The following TOR1AIP2 variants were observed in gnomAD, a reference collection of about 807,000 sequenced individuals.
The protein encoded by TOR1AIP2 is torsin-1A-interacting protein 2.
Under a neutral mutation model 32.6 loss-of-function variants are expected in TOR1AIP2, and 20 were observed. The observed-to-expected ratio is 0.61, with a 90% confidence interval of 0.43 to 0.89. TOR1AIP2 has a LOEUF of 0.89. TOR1AIP2 is among the 40% of genes least tolerant of loss of function. The pLI, the probability that TOR1AIP2 is intolerant of heterozygous loss-of-function variation, is 0.00. For synonymous variants in TOR1AIP2, 214 were observed against 210.8 expected (o/e 1.02, Z -0.13); for missense variants, 456 against 553.8 (o/e 0.82, Z 1.77).
intron 4 of TOR1AIP2, 23 bp from the exon 5 acceptor site, chr1:179,851,386 T>C: frequency 6.8e-7 from 1 of 1,468,744 alleles, no homozygotes; most frequent in African/African-American, 1.4e-5. Flanking sequence ...AAGTTTATAA[T>C]TTTTATTGGA....
intron 3 of TOR1AIP2, chr1:179,863,621 G>A: frequency 5.1e-6 from 5 of 978,006 alleles, no homozygotes; most frequent in Non-Finnish European, 6.0e-6. Context: ...TTGAGCCTAG[G>A]AGTTGGAGAC....
At chr1:179,859,502 A>T (rs1696430360) in intron 3 of TOR1AIP2, 1 of 985,174 alleles carries the variant, frequency 1.0e-6, no homozygotes, top group African/African-American at 1.7e-5. Context: ...TTGAATTGTG[A>T]CTCCAGTACA....
At chr1:179,871,443 C>G (rs1056322422) in intron 2 of TOR1AIP2, among the ~76,000 whole-genome samples, 9 of 152,338 alleles carry the variant, frequency 5.9e-5, no homozygotes, top group Admixed American at 5.2e-4. Flanking sequence ...TTTTAATTAA[C>G]TTCTCTAAAT....
At chr1:179,863,624 T>C (rs1010647455) in intron 3 of TOR1AIP2, 20 of 976,818 alleles carry the variant, frequency 2.0e-5, no homozygotes, top group Non-Finnish European at 2.4e-5. Flanking sequence ...AGCCTAGGAG[T>C]TGGAGACCAG....
Position 179,850,824 on chromosome 1 carries a change from T to C in TOR1AIP2, c.553+21A>G, listed in dbSNP as rs756789076. 2.4e-5 allele frequency: 39 copies of C among 1,604,676 alleles called. No individual in the cohort carries two copies. In the East Asian group the frequency reaches 7.6e-4, roughly 31 times the overall value. On this transcript the variant is annotated intron_variant, in intron 5 of 6. Coordinates refer to ENST00000609928, the MANE Select transcript of TOR1AIP2 (RefSeq NM_001199260.2). ...AACAGAGCAGTACAAAACAGGAGAG[T>C]AGTTCAGGGGGTTCTCTTACCTGGG...
At chr1:179,863,259 T>C in intron 3 of TOR1AIP2, 1 of 977,512 alleles carries the variant, frequency 1.0e-6, no homozygotes, top group Non-Finnish European at 1.2e-6. Flanking sequence ...CCCTGATTTC[T>C]TCAATGGAGG....
chr1:179,862,418 T>G (rs1558020585), intron 3 of TOR1AIP2: 1 of 984,756 alleles, frequency 1.0e-6, no homozygotes, highest in African/African-American at 1.7e-5. Flanking sequence ...GAGTTAGTGA[T>G]AAACTAACTA....
intron 3 of TOR1AIP2, chr1:179,860,288 G>A (rs985372783): frequency 1.2e-6 from 1 of 842,950 alleles, no homozygotes; most frequent in South Asian, 5.5e-5. Flanking sequence ...CTCAAGACCA[G>A]CTTGGGCAAC....
At chr1:179,861,420 T>C in intron 3 of TOR1AIP2, 5 of 985,390 alleles carry the variant, frequency 5.1e-6, no homozygotes, top group Non-Finnish European at 4.8e-6. Flanking sequence ...TTTTATGAGC[T>C]CTACTACATG....
chr1:179,847,396 T>C, intron 6 of TOR1AIP2, 139 bp downstream of exon 6: 3 of 690,246 alleles, frequency 4.3e-6, no homozygotes, highest in Admixed American at 2.6e-5. Flanking sequence ...ACTATTTTAC[T>C]ATGTCTCACT....
chr1:179,864,506 T>C, intron 3 of TOR1AIP2: 1 of 1,133,228 alleles, frequency 8.8e-7, no homozygotes, highest in Non-Finnish European at 1.1e-6. Flanking sequence ...TTTTTAGGAG[T>C]GGTAAGTTAG....
chr1:179,874,065 G>A (rs1344269149), intron 2 of TOR1AIP2: 1 of 152,172 alleles, frequency 6.6e-6, no homozygotes, highest in Non-Finnish European at 1.5e-5. Flanking sequence ...TAACTATCAA[G>A]TCAACAATAT....
chr1:179,858,919 T>C, intron 3 of TOR1AIP2: 14 of 714,850 alleles, frequency 2.0e-5, no homozygotes, highest in Non-Finnish European at 2.2e-5. Context: ...ATTTTTTAAA[T>C]GGAGAAGGAA....
chr1:179,862,113 G>A (rs1048418), intron 3 of TOR1AIP2: 131,669 of 984,296 alleles, frequency 0.13, 9,025 homozygotes, highest in Middle Eastern at 0.16. Flanking sequence ...CACAGGTACT[G>A]CTTAGGTATT....
At chr1:179,864,877 T>C in intron 3 of TOR1AIP2, 1 of 1,614,044 alleles carries the variant, frequency 6.2e-7, no homozygotes, top group South Asian at 1.1e-5. Flanking sequence ...GAGAGTCATG[T>C]ATTCTTTTTC....
At position 179,843,126 on chromosome 1, in the gene TOR1AIP2, G is replaced by A. The variant is rs1018885265; in HGVS notation, c.*2945C>T. On this transcript the variant is annotated 3_prime_UTR_variant, in exon 7 of 7. Transcript: ENST00000609928. ...ATTAGATAATAGATTTGAATTATCT[G>A]TACATTTATAAAATATGGTCTTATG... The A allele has an allele frequency of 2.0e-5, 3 of 150,796 alleles. No homozygotes were observed. The highest frequency in any genetic ancestry group is 7.3e-5 in the African/African-American group (3 of 40,994). The allele number at this position is 150,796 out of a possible 1,614,324, so 9.3% of individuals were successfully genotyped here.
intron 5 of TOR1AIP2, among the ~76,000 whole-genome samples, chr1:179,848,286 C>T (rs1051193936): frequency 4.6e-5 from 7 of 152,154 alleles, no homozygotes; most frequent in Non-Finnish European, 1.0e-4. Flanking sequence ...GTTGGCTGTA[C>T]ACAAGATTCA....
intron 3 of TOR1AIP2, chr1:179,859,657 A>G: frequency 1.0e-6 from 1 of 985,396 alleles, no homozygotes; most frequent in South Asian, 4.7e-5. Context: ...AATTATATCT[A>G]CCATAATTAA....
In TOR1AIP2 at chr1:179,850,835, G is replaced by C; in HGVS notation, c.553+10C>G. 2 of 1,610,882 alleles carry C rather than the reference G, an allele frequency of 1.2e-6. No homozygotes were observed. Among genetic ancestry groups the C allele is most frequent in the Non-Finnish European group, 1.7e-6 (2 of 1,178,076 alleles). On this transcript the variant is annotated intron_variant, in intron 5 of 6. Coordinates refer to ENST00000609928, the MANE Select transcript of TOR1AIP2 (RefSeq NM_001199260.2). ...ACAAAACAGGAGAGTAGTTCAGGGG[G>C]TTCTCTTACCTGGGGCCAGCAGTCG...
Sources: allele counts gnomAD v4.1 joint callset (sites outside exome capture counted in the v4.1 genomes callset), GRCh38; gene constraint gnomAD v4.1.1; transcripts MANE v1.5; gene names NCBI Gene and HGNC (gene_info 2026-07-23, HGNC 2026-07-21).